SNAP25: variants seen among roughly 807,000 people sequenced by gnomAD.
SNAP25 encodes the protein synaptosome associated protein 25.
In SNAP25, 3 loss-of-function variants were observed where a neutral mutation model predicts 28.7. That is an observed-to-expected ratio of 0.10 (90% CI 0.05 to 0.27). SNAP25 has a LOEUF of 0.27. Ranked by LOEUF, SNAP25 falls within the 10% of genes least tolerant of loss-of-function variation. SNAP25 has a pLI of 1.00. For missense variants in SNAP25, 117 were observed against 278.7 expected (o/e 0.42, Z 4.13); for synonymous variants, 61 against 88.1 (o/e 0.69, Z 1.72).
chr20:10,225,852 A>G (rs1045853074), intron 1 of SNAP25, among the ~76,000 whole-genome samples: 16 of 151,124 alleles, frequency 1.1e-4, no homozygotes, highest in African/African-American at 3.6e-4. Context: ...GTAACCTTGA[A>G]TCAGTGGTTT....
At chr20:10,245,990 G>A (rs2063120308) in intron 1 of SNAP25, among the ~76,000 whole-genome samples, 1 of 152,192 alleles carries the variant, frequency 6.6e-6, no homozygotes, top group Non-Finnish European at 1.5e-5. Flanking sequence ...AGACTTCAAA[G>A]CTGTGTGCCC....
intron 3 of SNAP25, among the ~76,000 whole-genome samples, chr20:10,283,535 C>T (rs1286561744): frequency 6.6e-6 from 1 of 152,208 alleles, no homozygotes; most frequent in African/African-American, 2.4e-5. Context: ...TAACTGCACA[C>T]GTTCTCTAAA....
intron 1 of SNAP25, among the ~76,000 whole-genome samples, chr20:10,275,069 TTAAATA>T (rs2063665523): frequency 7.6e-6 from 1 of 131,930 alleles, no homozygotes; most frequent in Admixed American, 8.0e-5. Context: ...ATAGAGCTAT[TTAAATA>T]AATAAATAAA....
intron 5 of SNAP25, among the ~76,000 whole-genome samples, chr20:10,295,330 C>T (rs1234751207): frequency 2.0e-5 from 3 of 152,182 alleles, no homozygotes; most frequent in Admixed American, 6.5e-5. Flanking sequence ...AGACATTTGA[C>T]ATAGCAGAAA....
chr20:10,293,047 T>C lies in SNAP25; in HGVS notation c.164-114T>C. On this transcript the variant is annotated intron_variant, in intron 4 of 7. Coordinates refer to ENST00000254976, the MANE Select transcript of SNAP25 (RefSeq NM_130811.4). The surrounding 1 kb of genome is among the most constrained non-coding windows in gnomAD (Gnocchi z 5.6). Reference sequence around the variant, plus strand: ...AATCTGTGGCGTCCAGTTTTCTTTCTTTTTTTTTTTTTCTTTTTTAATGTC... The same window carrying C: ...AATCTGTGGCGTCCAGTTTTCTTTCCTTTTTTTTTTTTCTTTTTTAATGTC... 7.6e-6 allele frequency: 4 copies of C among 524,030 alleles called. No homozygotes were observed. Among genetic ancestry groups the C allele is most frequent in the Non-Finnish European group, 1.1e-5 (4 of 364,894 alleles). 32.5% of individuals were successfully genotyped at this position (524,030 alleles called of 1,614,324 possible).
At chr20:10,252,847 T>C (rs1282800256) in intron 1 of SNAP25, among the ~76,000 whole-genome samples, 7 of 151,908 alleles carry the variant, frequency 4.6e-5, no homozygotes. Flanking sequence ...AGATTTAAGT[T>C]TTGGCCACTT....
chr20:10,276,417 A>G (rs2063692961), intron 2 of SNAP25, among the ~76,000 whole-genome samples: 1 of 152,256 alleles, frequency 6.6e-6, no homozygotes, highest in Admixed American at 6.5e-5. Context: ...AGAAAATATT[A>G]ATAATGCAGA....
chr20:10,224,294 C>CTTTTTTTTTTTTTTTTTTTTTTTTTTTTT (rs2062695477), intron 1 of SNAP25, among the ~76,000 whole-genome samples: 1 of 16,848 alleles, frequency 5.9e-5, no homozygotes, highest in Non-Finnish European at 1.4e-4. Flanking sequence ...TTTTTTTTTG[C>CTTTTTTTTTTTTTTTTTTTTTTTTTTTTT]AGTCTTTTCC....
At chr20:10,240,854 T>A (rs1363863759) in intron 1 of SNAP25, among the ~76,000 whole-genome samples, 3 of 152,190 alleles carry the variant, frequency 2.0e-5, no homozygotes, top group African/African-American at 7.2e-5. Context: ...CAGGGGGCTC[T>A]GGAGCATTCA....
At position 10,256,474 on chromosome 20, in the gene SNAP25, G is replaced by A. The variant is rs182340292; in HGVS notation, c.-63-18955G>A. The stretch of plus-strand genomic sequence containing the variant: ...TTAAATATGACCACTGAGAAAACTA[G>A]AAAAAAATGAACTTTTAACTCATTT... On this transcript the variant is annotated intron_variant, in intron 1 of 7. Transcript: ENST00000254976. Among the ~76,000 whole-genome samples the A allele has an allele frequency of 9.7e-3, 1,472 of 151,752 alleles. 19 individuals carry two copies. Among genetic ancestry groups the A allele is most frequent in the African/African-American group, 0.034 (1,419 of 41,398 alleles).
intron 1 of SNAP25, among the ~76,000 whole-genome samples, chr20:10,255,977 AACAATGTTTCAAAGGG>A (rs1230392327): frequency 2.6e-4 from 39 of 152,268 alleles, no homozygotes; most frequent in Non-Finnish European, 4.7e-4. Flanking sequence ...CAAGGGCATA[AACAATGTTTCAAAGGG>A]AGAACATGTG....
At chr20:10,285,599 A>AT (rs946432834) in intron 4 of SNAP25, among the ~76,000 whole-genome samples, 1 of 151,780 alleles carries the variant, frequency 6.6e-6, no homozygotes, top group Admixed American at 6.6e-5. Flanking sequence ...AGTCATGACT[A>AT]TTTTTTTTAT....
At chr20:10,245,615 G>A (rs1431386573) in intron 1 of SNAP25, among the ~76,000 whole-genome samples, 20 of 152,178 alleles carry the variant, frequency 1.3e-4, no homozygotes, top group Non-Finnish European at 2.4e-4. Flanking sequence ...CACCCCGGGC[G>A]TGTGCCCAGA....
intron 1 of SNAP25, among the ~76,000 whole-genome samples, chr20:10,230,877 G>T (rs1176024260): frequency 6.6e-6 from 1 of 152,116 alleles, no homozygotes; most frequent in Admixed American, 6.6e-5. Context: ...AGGAAGGTGA[G>T]CATTCACAGA....
chr20:10,305,199 T>G (rs1312124941), intron 7 of SNAP25, among the ~76,000 whole-genome samples: 1 of 152,208 alleles, frequency 6.6e-6, no homozygotes, highest in Non-Finnish European at 1.5e-5. Flanking sequence ...ATCTGCAAGT[T>G]TGTCTTAATT....
chr20:10,257,882 C>CAAAAAAAA, intron 1 of SNAP25, among the ~76,000 whole-genome samples: 1 of 84,220 alleles, frequency 1.2e-5, no homozygotes, highest in Non-Finnish European at 2.4e-5. Flanking sequence ...GACTCTGTCT[C>CAAAAAAAA]AAAAAAAAAA....
chr20:10,277,949 G>C (rs1197304852), intron 3 of SNAP25: 2 of 437,714 alleles, frequency 4.6e-6, no homozygotes, highest in Non-Finnish European at 8.1e-6. Flanking sequence ...CTGTAGTCTG[G>C]TCTGGGAAGC....
chr20:10,288,171 A>T (rs1000069708), intron 4 of SNAP25, among the ~76,000 whole-genome samples: 2 of 151,918 alleles, frequency 1.3e-5, no homozygotes, highest in African/African-American at 4.8e-5. Context: ...ATAATAAAAT[A>T]AAAAAATTTA....
chr20:10,221,035 A>T, intron 1 of SNAP25, among the ~76,000 whole-genome samples: 1 of 152,252 alleles, frequency 6.6e-6, no homozygotes, highest in East Asian at 1.9e-4. Context: ...AAAGAAGTTT[A>T]TAACTTTGCA....
Sources: gnomAD v4.1 joint callset for allele counts (sites outside exome capture counted in the v4.1 genomes callset) on GRCh38, gnomAD v4.1.1 for gene constraint, Gnocchi (gnomAD v3.1) non-coding constraint, MANE v1.5 for transcripts, NCBI Gene and HGNC (gene_info 2026-07-23, HGNC 2026-07-21) for gene names.